Variants in COL4A1 observed in about 807,000 individuals in gnomAD.
COL4A1 encodes collagen type IV alpha 1 chain.
A neutral mutation model predicts 216.6 loss-of-function variants in COL4A1; 40 were observed. The ratio of observed to expected loss-of-function variants is 0.18; its 90% CI spans 0.14 to 0.24. The LOEUF is 0.24. Among genes scored for constraint, COL4A1 ranks in the 10% least tolerant of loss-of-function variants. The pLI, the probability that COL4A1 is intolerant of heterozygous loss-of-function variation, is 1.00. For synonymous variants in COL4A1, 839 were observed against 810.7 expected, an observed-to-expected ratio of 1.03 and a Z score of -0.59; for missense variants, 1,628 against 2,196.8, an observed-to-expected ratio of 0.74 and a Z score of 5.18.
intron 1 of COL4A1, among the ~76,000 whole-genome samples, chr13:110,279,255 T>C (rs1055443914): frequency 1.3e-5 from 2 of 152,138 alleles, no homozygotes; most frequent in African/African-American, 2.4e-5. Context: ...TTATGACACA[T>C]ACATATCAAT....
At chr13:110,224,095 C>T (rs1184057445) in intron 2 of COL4A1, among the ~76,000 whole-genome samples, 1 of 152,150 alleles carries the variant, frequency 6.6e-6, no homozygotes, top group African/African-American at 2.4e-5. Flanking sequence ...GAGCTCCAGC[C>T]ATTGCAGGAA....
intron 24 of COL4A1, among the ~76,000 whole-genome samples, chr13:110,189,763 T>C (rs768973821): frequency 6.6e-6 from 1 of 152,200 alleles, no homozygotes; most frequent in Admixed American, 6.5e-5. Flanking sequence ...GCGGCCTTTC[T>C]TGTGGGCTCG....
intron 1 of COL4A1, among the ~76,000 whole-genome samples, chr13:110,253,292 ATACATATAATTATATGTAT>A: frequency 1.1e-5 from 1 of 91,232 alleles, no homozygotes; most frequent in Non-Finnish European, 2.4e-5. Context: ...TGTATTACAT[ATACATATAATTATATGTAT>A]TACATATACA....
intron 43 of COL4A1, 118 bp downstream of exon 43, chr13:110,169,511 C>CAG: frequency 6.6e-7 from 1 of 1,520,864 alleles, no homozygotes; most frequent in East Asian, 2.4e-5. Context: ...CACACACACA[C>CAG]ACACACACAC....
chr13:110,203,428 A>G, intron 18 of COL4A1, 138 bp downstream of exon 18: 1 of 827,248 alleles, frequency 1.2e-6, no homozygotes, highest in Non-Finnish European at 2.1e-6. Flanking sequence ...TGTGCCCTGC[A>G]TCTCCTCTCC....
Position 110,186,561 on chromosome 13 carries a change from GAGA to G in COL4A1, c.1729-11_1729-9del. 1 of 1,613,852 alleles carries G rather than the reference GAGA, an allele frequency of 6.2e-7. No individual in the cohort carries two copies. The highest frequency in any genetic ancestry group is 8.5e-7 in the Non-Finnish European group (1 of 1,179,964). Reference sequence around the variant, plus strand: ...TTTCAATCCTACAGAACCCTGATGTGAGAAGAAGAAAAAGACACCGTTATCAGA... The same window carrying G: ...TTTCAATCCTACAGAACCCTGATGTGAGAAGAAAAAGACACCGTTATCAGA... On this transcript the variant is annotated splice_polypyrimidine_tract_variant and intron_variant, in intron 25 of 51. Transcript: ENST00000375820.
At chr13:110,159,126 C>T (rs573332298) in intron 49 of COL4A1, among the ~76,000 whole-genome samples, 1 of 152,310 alleles carries the variant, frequency 6.6e-6, no homozygotes, top group African/African-American at 2.4e-5. Context: ...AGTTTTCCAT[C>T]TTACTTCCTA....
chr13:110,207,499 T>A lies in COL4A1; in HGVS notation c.694-10A>T. The A allele has an allele frequency of 6.2e-7, 1 of 1,609,652 alleles. No homozygotes were observed. ...TGACCCCTTGGTCACCCTGTCGACA[T>A]AAAAATGTAAAATTAATTAGGCATG... On this transcript the variant is annotated splice_polypyrimidine_tract_variant and intron_variant, in intron 12 of 51. Coordinates refer to ENST00000375820, the MANE Select transcript of COL4A1 (RefSeq NM_001845.6). The surrounding 1 kb of genome is among the most constrained non-coding windows in gnomAD (Gnocchi z 4.4).
chr13:110,242,830 G>A, intron 1 of COL4A1, 96 bp from the exon 2 acceptor site: 1 of 1,322,578 alleles, frequency 7.6e-7, no homozygotes, highest in South Asian at 1.2e-5. Flanking sequence ...ACTTGTTTAT[G>A]AGCGAAGCCT....
intron 1 of COL4A1, among the ~76,000 whole-genome samples, chr13:110,279,848 C>T (rs1883560840): frequency 6.6e-6 from 1 of 152,208 alleles, no homozygotes; most frequent in South Asian, 2.1e-4. Flanking sequence ...GCTGGCCTGT[C>T]TCCCGTGGGC....
Position 110,211,691 on chromosome 13 carries a change from G to A in COL4A1, c.442-18C>T, listed in dbSNP as rs770130461. 2.5e-6 allele frequency: 4 copies of A among 1,608,944 alleles called. No individual in the cohort carries two copies. The South Asian group carries it at 4.5e-5, about 18-fold the overall frequency. Reference sequence around the variant, plus strand: ...GGTGGTCCCTAAAAAAGAAAGTTTTGGTGTTAGTTTTGTTTTTCTCAAAAT... The same window carrying A: ...GGTGGTCCCTAAAAAAGAAAGTTTTAGTGTTAGTTTTGTTTTTCTCAAAAT... On this transcript the variant is annotated intron_variant, in intron 7 of 51. Coordinates refer to ENST00000375820, the MANE Select transcript of COL4A1 (RefSeq NM_001845.6). The surrounding 1 kb of genome is among the most constrained non-coding windows in gnomAD (Gnocchi z 4.3).
At chr13:110,163,672 C>A (rs1490384403) in intron 46 of COL4A1, 111 bp from the exon 47 acceptor site, 41 of 1,045,432 alleles carry the variant, frequency 3.9e-5, no homozygotes, top group Middle Eastern at 2.3e-4. Flanking sequence ...TAAAGTCTCA[C>A]TGCAGATGAG....
At chr13:110,235,417 G>A (rs1476363974) in intron 2 of COL4A1, among the ~76,000 whole-genome samples, 2 of 152,198 alleles carry the variant, frequency 1.3e-5, no homozygotes, top group South Asian at 2.1e-4. Context: ...TTGGGAGGCT[G>A]AGGCGGGCGG....
chr13:110,280,248 C>G (rs989409971), intron 1 of COL4A1, among the ~76,000 whole-genome samples: 5 of 152,188 alleles, frequency 3.3e-5, no homozygotes, highest in African/African-American at 1.2e-4. Context: ...TAGTTTGCTG[C>G]GTGTTTGCTC....
intron 24 of COL4A1, among the ~76,000 whole-genome samples, chr13:110,191,879 T>C (rs1878645337): frequency 6.6e-6 from 1 of 152,118 alleles, no homozygotes; most frequent in African/African-American, 2.4e-5. Context: ...TGGGGGTGGC[T>C]CCTGTGACAC....
chr13:110,164,060 C>A (rs965558184), intron 46 of COL4A1, among the ~76,000 whole-genome samples: 3 of 149,688 alleles, frequency 2.0e-5, no homozygotes, highest in Non-Finnish European at 4.4e-5. Flanking sequence ...GTGACCACCG[C>A]TCACTGCAGC....
chr13:110,164,941 C>A lies in COL4A1; in HGVS notation c.4071G>T (p.Gly1357=). 1 of 1,605,380 alleles carries A rather than the reference C, an allele frequency of 6.2e-7. No individual in the cohort carries two copies. The highest frequency in any genetic ancestry group is 8.5e-7 in the Non-Finnish European group (1 of 1,176,294). Residue 1357 remains glycine (G), a synonymous_variant, in exon 46 of 52, where the codon GGG becomes GGT. Coordinates refer to ENST00000375820, the MANE Select transcript of COL4A1 (RefSeq NM_001845.6). Reference sequence around the variant, plus strand: ...CCTCAGGACCAGGGAGCCCGGGCTCCCCTTTGATGATGTCGTAAGGACCTG... The same window carrying A: ...CCTCAGGACCAGGGAGCCCGGGCTCACCTTTGATGATGTCGTAAGGACCTG... The part of the protein sequence containing the change: ...GPPGPYDIIK[G]EPGLPGPEGP...
rs187022290 is a variant in COL4A1, at chr13:110,233,471, T to C, written c.144+9204A>G. 2.5e-4 allele frequency among the ~76,000 whole-genome samples: 38 copies of C among 152,248 alleles called. No homozygotes were observed. In the East Asian group the frequency reaches 7.0e-3, roughly 28 times the overall value. On this transcript the variant is annotated intron_variant, in intron 2 of 51. Coordinates refer to ENST00000375820, the MANE Select transcript of COL4A1 (RefSeq NM_001845.6). Reference sequence around the variant, plus strand: ...AGATACTTTGGGGGGTGGAATCCATTAGATGGCAAAAACGAAGTGATATCT... The same window carrying C: ...AGATACTTTGGGGGGTGGAATCCATCAGATGGCAAAAACGAAGTGATATCT...
chr13:110,255,079 G>A (rs639655), intron 1 of COL4A1, among the ~76,000 whole-genome samples: 1 of 151,980 alleles, frequency 6.6e-6, no homozygotes, highest in African/African-American at 2.4e-5. Context: ...CACACTTCCC[G>A]CGGAGGAGGT....
Sources: allele counts gnomAD v4.1 joint callset (sites outside exome capture counted in the v4.1 genomes callset), GRCh38; gene constraint gnomAD v4.1.1; non-coding constraint Gnocchi (gnomAD v3.1); transcripts MANE v1.5; gene names NCBI Gene and HGNC (gene_info 2026-07-23, HGNC 2026-07-21).